Variants in RSAD2 observed in about 807,000 individuals in gnomAD.
RSAD2 encodes S-adenosylmethionine-dependent nucleotide dehydratase RSAD2.
A neutral mutation model predicts 37.7 loss-of-function variants in RSAD2; 38 were observed. The observed-to-expected ratio is 1.01, with a 90% confidence interval of 0.78 to 1.32. RSAD2 has a LOEUF of 1.32. Among genes scored for constraint, RSAD2 ranks in the 40% most tolerant of loss-of-function variants. RSAD2 has a pLI of 0.00. For missense variants in RSAD2, 428 were observed against 437.5 expected (o/e 0.98, Z 0.19); for synonymous variants, 163 against 157.4 (o/e 1.04, Z -0.27).
intron 4 of RSAD2, among the ~76,000 whole-genome samples, chr2:6,891,537 A>G (rs1454001057): frequency 6.6e-6 from 1 of 152,074 alleles, no homozygotes. Context: ...GGGGGCTGAG[A>G]TGGGCGGATC....
rs1433584837 is a variant in RSAD2, at chr2:6,893,758, A to G, written c.921+55A>G. 7.0e-6 allele frequency: 9 copies of G among 1,282,564 alleles called. No individual in the cohort carries two copies. The South Asian group carries it at 1.1e-4, about 15-fold the overall frequency. The allele number at this position is 1,282,564 out of a possible 1,614,324, so 79.4% of individuals were successfully genotyped here. On this transcript the variant is annotated intron_variant, in intron 5 of 5. Transcript: ENST00000382040. ...AAACTTAATTAATTAATTAGCAGTAATGGCAGAGTTGAGTTCCATGAGCAT... is the reference window on the plus strand; with the variant it reads ...AAACTTAATTAATTAATTAGCAGTAGTGGCAGAGTTGAGTTCCATGAGCAT...
At chr2:6,877,456 C>T (rs1419083007), upstream of RSAD2, among the ~76,000 whole-genome samples, 2 of 152,184 alleles carry the variant, frequency 1.3e-5, no homozygotes, top group East Asian at 3.8e-4. Context: ...GATTAATGCA[C>T]CTTGTCTATC....
In RSAD2 at chr2:6,895,304, T is replaced by A. The variant is rs554688588; in HGVS notation, c.922-474T>A. Among the ~76,000 whole-genome samples, 8 of 152,366 alleles carry A rather than the reference T, an allele frequency of 5.3e-5. No individual in the cohort carries two copies. In the South Asian group the frequency reaches 1.7e-3, roughly 32 times the overall value. On this transcript the variant is annotated intron_variant, in intron 5 of 5. Transcript: ENST00000382040. ...TCCGTTTCTCAAAACAAGCCTTTATTAATATTTACATATATGCATGCATGC... is the reference window on the plus strand; with the variant it reads ...TCCGTTTCTCAAAACAAGCCTTTATAAATATTTACATATATGCATGCATGC...
chr2:6,876,601 A>G (rs1246877536), upstream of RSAD2: 3 of 152,244 alleles, frequency 2.0e-5, no homozygotes, highest in East Asian at 5.8e-4. Context: ...CCTGAGACAT[A>G]TCTACTGTTG....
chr2:6,873,395 C>T (rs1229003557), upstream of RSAD2, among the ~76,000 whole-genome samples: 2 of 152,178 alleles, frequency 1.3e-5, no homozygotes, highest in African/African-American at 4.8e-5. Flanking sequence ...AATTCAAATA[C>T]CCTTCACACC....
At chr2:6,888,424 C>G (rs924617019) in intron 3 of RSAD2, among the ~76,000 whole-genome samples, 3 of 152,172 alleles carry the variant, frequency 2.0e-5, no homozygotes, top group African/African-American at 4.8e-5. Flanking sequence ...AAAACAGGGA[C>G]ATGATCCACC....
chr2:6,877,519 C>CT, upstream of RSAD2: 1 of 422,820 alleles, frequency 2.4e-6, no homozygotes. Flanking sequence ...TCATGTGTAA[C>CT]TACATCAAGC....
chr2:6,867,455 A>G (rs1663121469), intron 1 of RSAD2, among the ~76,000 whole-genome samples: 1 of 152,110 alleles, frequency 6.6e-6, no homozygotes, highest in African/African-American at 2.4e-5. Flanking sequence ...GCCCATCATA[A>G]TGTTCTCATT....
chr2:6,866,484 A>G, intron 1 of RSAD2: 2 of 985,526 alleles, frequency 2.0e-6, no homozygotes, highest in Non-Finnish European at 2.4e-6. Flanking sequence ...TGACTCTCCA[A>G]CTGGGAAGTG....
rs780260572 is a variant in RSAD2 at position 6,890,132 on chromosome 2, G to A, written c.739-44G>A. 2.6e-5 allele frequency: 42 copies of A among 1,598,164 alleles called. No homozygotes were observed. The Middle Eastern group carries it at 5.0e-4, about 19-fold the overall frequency. On this transcript the variant is annotated intron_variant, in intron 3 of 5. Transcript: ENST00000382040. ...GGGAGTGAGGTTTGGGGGAAAACACGATGGAAAGCTCTCTGCAAAGCAAAC... is the reference window on the plus strand; with the variant it reads ...GGGAGTGAGGTTTGGGGGAAAACACAATGGAAAGCTCTCTGCAAAGCAAAC...
At chr2:6,888,344 A>G (rs553900381) in intron 3 of RSAD2, among the ~76,000 whole-genome samples, 2 of 152,360 alleles carry the variant, frequency 1.3e-5, no homozygotes, top group South Asian at 2.1e-4. Context: ...ATATAAGGAT[A>G]TGAATTATCA....
Position 6,897,048 on chromosome 2 carries a change from C to T in RSAD2, c.*1106C>T, listed in dbSNP as rs1663791099. The stretch of plus-strand genomic sequence containing the variant: ...ATTTCATGTCAGTGAAGCCAAGTCA[C>T]CATATCATATTTTTGAATGAACTCT... On this transcript the variant is annotated 3_prime_UTR_variant, in exon 6 of 6. Transcript: ENST00000382040. The T allele has an allele frequency of 6.6e-6, 1 of 152,030 alleles. No homozygotes were observed. Among genetic ancestry groups the T allele is most frequent in the South Asian group, 2.1e-4 (1 of 4,826 alleles). 9.4% of individuals were successfully genotyped at this position (152,030 alleles called of 1,614,324 possible). A position where few individuals can be genotyped will look rare whatever the true frequency, so the allele number is the denominator to read the frequency against.
In RSAD2 at chr2:6,883,476, G is replaced by T. The variant is rs1414303769; in HGVS notation, c.452G>T (p.Ser151Ile). 1 of 1,614,180 alleles carries T rather than the reference G, an allele frequency of 6.2e-7. No individual in the cohort carries two copies. The highest frequency in any genetic ancestry group is 1.7e-5 in the Admixed American group (1 of 60,020). The part of the protein sequence containing the change: ...RFCKVELRLP[S>I]VSIVSNGSLI... ...TGCAAAGTAGAGTTGCGGCTGCCCA[G>T]CGTGAGCATCGTGAGCAATGGAAGC... The change falls in exon 2 of 6, where the codon AGC becomes ATC. Residue 151 changes from serine to isoleucine, a missense_variant. Coordinates refer to ENST00000382040, the MANE Select transcript of RSAD2 (RefSeq NM_080657.5).
intron 3 of RSAD2, among the ~76,000 whole-genome samples, chr2:6,887,838 G>GT (rs1663553437): frequency 1.3e-5 from 2 of 152,242 alleles, no homozygotes; most frequent in South Asian, 4.1e-4. Context: ...GCATAGCAGG[G>GT]AGGGCTTGCA....
chr2:6,874,825 T>C (rs1334241623), upstream of RSAD2, among the ~76,000 whole-genome samples: 1 of 152,162 alleles, frequency 6.6e-6, no homozygotes, highest in East Asian at 1.9e-4. Context: ...CAGACACTAT[T>C]TGTGAGCATT....
chr2:6,866,396 G>T (rs4669109), intron 1 of RSAD2: 1 of 974,128 alleles, frequency 1.0e-6, no homozygotes, highest in Non-Finnish European at 1.2e-6. Flanking sequence ...TCACTCACCT[G>T]TGCACACACT....
upstream of RSAD2, among the ~76,000 whole-genome samples, chr2:6,872,990 A>G (rs1663225867): frequency 6.6e-6 from 1 of 152,178 alleles, no homozygotes; most frequent in South Asian, 2.1e-4. Flanking sequence ...TGAGATCTAT[A>G]TAATTTTCCT....
In RSAD2 at chr2:6,887,035, C is replaced by T; in HGVS notation, c.609C>T (p.Asn203=). 3 of 1,614,178 alleles carry T rather than the reference C, an allele frequency of 1.9e-6. No homozygotes were observed. The highest frequency in any genetic ancestry group is 2.5e-6 in the Non-Finnish European group (3 of 1,180,014). The part of the protein sequence containing the change: ...RGQGKKNHVE[N]LQKLRRWCRD... ...AAGGAAAGAAGAACCATGTGGAAAA[C>T]CTTCAAAAGCTGAGGAGGTGGTGTA... is the stretch of plus-strand genomic sequence containing the variant. Residue 203 remains asparagine, a synonymous_variant, in exon 3 of 6, where the codon AAC becomes AAT. Coordinates refer to ENST00000382040, the MANE Select transcript of RSAD2 (RefSeq NM_080657.5).
chr2:6,877,997 C>A lies in RSAD2; in HGVS notation c.197C>A (p.Pro66His). 1 of 1,614,150 alleles carries A rather than the reference C, an allele frequency of 6.2e-7. No individual in the cohort carries two copies. Among genetic ancestry groups the A allele is most frequent in the Non-Finnish European group, 8.5e-7 (1 of 1,180,026 alleles). Residue 66 changes from proline (P) to histidine (H), a missense_variant, in exon 1 of 6, where the codon CCT becomes CAT. Coordinates refer to ENST00000382040, the MANE Select transcript of RSAD2 (RefSeq NM_080657.5). ...PDETKEEEED[P>H]PLPTTPTSVN... ...GAGACCAAAGAGGAGGAAGAGGACC[C>A]TCCTCTGCCCACCACCCCAACCAGC...
Sources: gnomAD v4.1 joint callset for allele counts (sites outside exome capture counted in the v4.1 genomes callset) on GRCh38, gnomAD v4.1.1 for gene constraint, MANE v1.5 for transcripts, NCBI Gene and HGNC (gene_info 2026-07-23, HGNC 2026-07-21) for gene names.